The following DOK6 variants were observed in gnomAD, a reference collection of about 807,000 sequenced individuals.
The protein encoded by DOK6 is downstream of tyrosine kinase 6.
DOK6 carries 22 observed loss-of-function variants against 44.0 expected under a neutral mutation model. That is an observed-to-expected ratio of 0.50 (90% confidence interval 0.36 to 0.71). The LOEUF (loss-of-function observed/expected upper bound fraction) is 0.71. Ranked by LOEUF, DOK6 falls within the 30% of genes least tolerant of loss-of-function variation. DOK6 has a pLI of 0.00. For missense variants in DOK6, 340 were observed against 416.4 expected, an observed-to-expected ratio of 0.82 and a Z score of 1.60; for synonymous variants, 166 against 145.5, an observed-to-expected ratio of 1.14 and a Z score of -1.01.
chr18:69,508,281 C>A (rs762678882), intron 1 of DOK6, among the ~76,000 whole-genome samples: 26 of 152,010 alleles, frequency 1.7e-4, no homozygotes, highest in Non-Finnish European at 1.0e-4. Context: ...GAGTTTTTTG[C>A]ATCTATATTA....
At chr18:69,721,748 C>T (rs1180480250) in intron 5 of DOK6, among the ~76,000 whole-genome samples, 3 of 152,106 alleles carry the variant, frequency 2.0e-5, no homozygotes, top group African/African-American at 7.2e-5. Flanking sequence ...ATATTTCATA[C>T]ATTAATGAGA....
At chr18:69,734,897 G>A (rs749696898) in intron 5 of DOK6, among the ~76,000 whole-genome samples, 7 of 151,840 alleles carry the variant, frequency 4.6e-5, no homozygotes, top group African/African-American at 1.7e-4. Flanking sequence ...TCAAAGTCAC[G>A]CCTTCATAGA....
chr18:69,409,872 C>A (rs1460078437), intron 1 of DOK6, among the ~76,000 whole-genome samples: 1 of 152,008 alleles, frequency 6.6e-6, no homozygotes, highest in African/African-American at 2.4e-5. Context: ...AAAAATATTC[C>A]TTTTTGTTTA....
intron 3 of DOK6, among the ~76,000 whole-genome samples, chr18:69,655,761 CAA>C (rs74175379): frequency 0.095 from 4,087 of 43,074 alleles, 32 homozygotes; most frequent in East Asian, 0.17. Context: ...CCCCACCCCT[CAA>C]AAAAAAAAAA....
chr18:69,822,762 G>A (rs557735788), intron 7 of DOK6, among the ~76,000 whole-genome samples: 45 of 152,190 alleles, frequency 3.0e-4, no homozygotes, highest in Non-Finnish European at 2.6e-4. Flanking sequence ...ATCAAAAAAC[G>A]TTCATTTTCT....
intron 3 of DOK6, among the ~76,000 whole-genome samples, chr18:69,665,441 C>T (rs978822352): frequency 2.0e-5 from 3 of 152,110 alleles, no homozygotes; most frequent in Non-Finnish European, 4.4e-5. Context: ...ATTATTTGTA[C>T]CTAATTATAG....
intron 7 of DOK6, among the ~76,000 whole-genome samples, chr18:69,818,840 A>G (rs2145122088): frequency 6.6e-6 from 1 of 152,320 alleles, no homozygotes; most frequent in East Asian, 1.9e-4. Flanking sequence ...GAGAAAAGCC[A>G]CAGTCATAGC....
intron 3 of DOK6, among the ~76,000 whole-genome samples, chr18:69,650,040 T>G (rs1291561596): frequency 6.6e-6 from 1 of 152,074 alleles, no homozygotes; most frequent in Non-Finnish European, 1.5e-5. Context: ...CGACTTTCCT[T>G]TCCAAGGAAA....
chr18:69,486,836 G>C (rs968746407), intron 1 of DOK6, among the ~76,000 whole-genome samples: 1 of 151,988 alleles, frequency 6.6e-6, no homozygotes, highest in Admixed American at 6.6e-5. Flanking sequence ...AAATAGCATT[G>C]GTTTCATTTT....
intron 3 of DOK6, among the ~76,000 whole-genome samples, chr18:69,666,420 A>G (rs76297683): frequency 0.014 from 2,119 of 151,698 alleles, 47 homozygotes; most frequent in African/African-American, 0.049. Flanking sequence ...GCTGACTTCT[A>G]TTCTTTATTT....
intron 5 of DOK6, among the ~76,000 whole-genome samples, chr18:69,736,077 A>G (rs1382863339): frequency 6.6e-6 from 1 of 152,140 alleles, no homozygotes; most frequent in Non-Finnish European, 1.5e-5. Flanking sequence ...AGCACATATC[A>G]CAGTAAGTTT....
At chr18:69,445,871 G>A (rs928210888) in intron 1 of DOK6, among the ~76,000 whole-genome samples, 2 of 152,088 alleles carry the variant, frequency 1.3e-5, no homozygotes, top group Non-Finnish European at 2.9e-5. Flanking sequence ...TGGTGACACA[G>A]CGAGGTTATG....
chr18:69,813,011 A>G (rs1037146524), intron 7 of DOK6, among the ~76,000 whole-genome samples: 2 of 152,176 alleles, frequency 1.3e-5, no homozygotes, highest in African/African-American at 2.4e-5. Flanking sequence ...ACATAAAAAA[A>G]TAAATTGCAA....
intron 1 of DOK6, among the ~76,000 whole-genome samples, chr18:69,554,978 G>T (rs554100838): frequency 6.6e-6 from 1 of 152,064 alleles, no homozygotes; most frequent in Non-Finnish European, 1.5e-5. Context: ...AAACTGGATT[G>T]TCTGTCTTCT....
At chr18:69,735,613 T>C (rs1483380072) in intron 5 of DOK6, among the ~76,000 whole-genome samples, 1 of 151,998 alleles carries the variant, frequency 6.6e-6, no homozygotes, top group Non-Finnish European at 1.5e-5. Flanking sequence ...ATGTCCAAGG[T>C]TTTTATTGGG....
chr18:69,566,123 ATTTAT>A (rs1982972567), intron 2 of DOK6, among the ~76,000 whole-genome samples: 1 of 72,194 alleles, frequency 1.4e-5, no homozygotes, highest in Non-Finnish European at 2.7e-5. Flanking sequence ...TTATTTATTT[ATTTAT>A]TTATTTATTT....
Position 69,726,632 on chromosome 18 carries a change from C to T in DOK6, c.600-12333C>T, listed in dbSNP as rs1439378934. Reference sequence around the variant, plus strand: ...AACAAATTGTATATATATATAAACACACACACATATATGTACATGTATGTA... The same window carrying T: ...AACAAATTGTATATATATATAAACATACACACATATATGTACATGTATGTA... On this transcript the variant is annotated intron_variant, in intron 5 of 7. Transcript: ENST00000382713. Among the ~76,000 whole-genome samples, 5 of 151,784 alleles carry T rather than the reference C, an allele frequency of 3.3e-5. No individual in the cohort carries two copies. In the East Asian group the frequency reaches 7.7e-4, roughly 24 times the overall value.
intron 3 of DOK6, among the ~76,000 whole-genome samples, chr18:69,665,175 C>T (rs1227969850): frequency 2.0e-5 from 3 of 150,806 alleles, no homozygotes; most frequent in Admixed American, 6.6e-5. Flanking sequence ...AGCAAGACTC[C>T]GTCTCAAAAA....
chr18:69,435,520 C>T (rs1009458767), intron 1 of DOK6, among the ~76,000 whole-genome samples: 1 of 152,006 alleles, frequency 6.6e-6, no homozygotes, highest in African/African-American at 2.4e-5. Flanking sequence ...CCTTTTCATT[C>T]GATTGTCGAC....
Sources: gnomAD v4.1 joint callset for allele counts (sites outside exome capture counted in the v4.1 genomes callset) on GRCh38, gnomAD v4.1.1 for gene constraint, MANE v1.5 for transcripts, NCBI Gene and HGNC (gene_info 2026-07-23, HGNC 2026-07-21) for gene names.